TP53BP2: variants seen among roughly 807,000 people sequenced by gnomAD.
TP53BP2 encodes the protein tumor protein p53 binding protein 2.
TP53BP2 carries 62 observed loss-of-function variants against 126.2 expected under a neutral mutation model. The ratio of observed to expected loss-of-function variants is 0.49; its 90% CI spans 0.40 to 0.61. The LOEUF (loss-of-function observed/expected upper bound fraction) is 0.61, where lower values mean the gene tolerates loss of function less well. TP53BP2 is among the 20% of genes least tolerant of loss of function. The pLI is 0.00. For synonymous variants in TP53BP2, 485 were observed against 502.9 expected, an observed-to-expected ratio of 0.96 and a Z score of 0.48; for missense variants, 1,215 against 1,402.8, an observed-to-expected ratio of 0.87 and a Z score of 2.14.
intron 8 of TP53BP2, 131 bp from the exon 9 acceptor site, chr1:223,802,475 A>C: frequency 3.0e-6 from 3 of 996,662 alleles, no homozygotes; most frequent in East Asian, 2.6e-5. Flanking sequence ...GTCTACAAAA[A>C]ACATTCCAAA....
chr1:223,809,897 GCT>G (rs1181145513), intron 4 of TP53BP2, among the ~76,000 whole-genome samples: 1 of 152,044 alleles, frequency 6.6e-6, no homozygotes, highest in African/African-American at 2.4e-5. Flanking sequence ...CGCGACCTAG[GCT>G]CACTGCAATC....
chr1:223,811,980 T>C (rs1055966495), intron 3 of TP53BP2, among the ~76,000 whole-genome samples: 1 of 148,914 alleles, frequency 6.7e-6, no homozygotes, highest in East Asian at 2.0e-4. Flanking sequence ...GGTAGATGAA[T>C]GGGTAAAATT....
intron 1 of TP53BP2, among the ~76,000 whole-genome samples, chr1:223,830,560 A>AG (rs1200789566): frequency 6.6e-6 from 1 of 152,114 alleles, no homozygotes; most frequent in Non-Finnish European, 1.5e-5. Flanking sequence ...ACTGAAATGA[A>AG]GAAAAACTCT....
At chr1:223,782,257 C>T (rs1195684880) in intron 17 of TP53BP2, among the ~76,000 whole-genome samples, 1 of 151,890 alleles carries the variant, frequency 6.6e-6, no homozygotes, top group Non-Finnish European at 1.5e-5. Context: ...ACAATTTTTG[C>T]CAATTTAAAA....
intron 14 of TP53BP2, among the ~76,000 whole-genome samples, chr1:223,792,750 TA>T (rs1390191641): frequency 6.6e-6 from 1 of 151,550 alleles, no homozygotes; most frequent in African/African-American, 2.4e-5. Context: ...AGGTTTTTTT[TA>T]AAAAAAGGAA....
chr1:223,798,091 G>T, intron 12 of TP53BP2, 124 bp downstream of exon 12: 2 of 911,114 alleles, frequency 2.2e-6, no homozygotes, highest in Non-Finnish European at 1.6e-6. Flanking sequence ...AAGAACAGAA[G>T]CCACAGTTAA....
intron 16 of TP53BP2, among the ~76,000 whole-genome samples, chr1:223,787,397 T>A (rs1662007134): frequency 6.6e-6 from 1 of 150,810 alleles, no homozygotes. Flanking sequence ...TATATTTATA[T>A]ATATAAATTT....
At chr1:223,800,183 T>C in intron 10 of TP53BP2, 136 bp from the exon 11 acceptor site, 1 of 877,704 alleles carries the variant, frequency 1.1e-6, no homozygotes, top group Non-Finnish European at 1.7e-6. Context: ...ATTAAACTAA[T>C]AAAAGGATAA....
intron 3 of TP53BP2, among the ~76,000 whole-genome samples, chr1:223,812,892 T>A (rs1366028490): frequency 6.6e-6 from 1 of 151,566 alleles, no homozygotes; most frequent in Non-Finnish European, 1.5e-5. Flanking sequence ...GAGACAGAGT[T>A]TCGTCATGTT....
chr1:223,787,194 C>T (rs1208505664), intron 16 of TP53BP2, among the ~76,000 whole-genome samples: 2 of 152,100 alleles, frequency 1.3e-5, no homozygotes, highest in Non-Finnish European at 2.9e-5. Context: ...CCACACCCGG[C>T]CAACACATTA....
In TP53BP2 at chr1:223,803,394, C is replaced by G; in HGVS notation, c.708G>C (p.Leu236=). 1 of 1,613,950 alleles carries G rather than the reference C, an allele frequency of 6.2e-7. No homozygotes were observed. The highest frequency in any genetic ancestry group is 8.5e-7 in the Non-Finnish European group (1 of 1,179,928). ...TCAGTTCTTCTACTTTTGACACAGCCAGGACGAGCTCCCTCTGTTTTTGCT... is the reference window on the plus strand; with the variant it reads ...TCAGTTCTTCTACTTTTGACACAGCGAGGACGAGCTCCCTCTGTTTTTGCT... ...LFQQKQRELV[L]AVSKVEELTR... Residue 236 remains leucine, a synonymous_variant, in exon 7 of 18, where the codon CTG becomes CTC. Transcript: ENST00000343537.
At chr1:223,810,243 A>G (rs536792154) in intron 4 of TP53BP2, among the ~76,000 whole-genome samples, 188 bp downstream of exon 4, 1 of 152,326 alleles carries the variant, frequency 6.6e-6, no homozygotes, top group South Asian at 2.1e-4. Context: ...TAAACATACA[A>G]CTTCTTCCAA....
chr1:223,806,833 A>AT lies in TP53BP2; in HGVS notation c.474+12_474+13insA, dbSNP rs761721532. 15 of 1,607,510 alleles carry AT rather than the reference A, an allele frequency of 9.3e-6. No individual in the cohort carries two copies. Among genetic ancestry groups the AT allele is most frequent in the African/African-American group, 5.4e-5 (4 of 74,582 alleles). ...AGTGAGCATTCATCTCCAAAAAAAAAGGACGATACTACCTTAGTTGCCAGC... is the reference window on the plus strand; with the variant it reads ...AGTGAGCATTCATCTCCAAAAAAAAATGGACGATACTACCTTAGTTGCCAGC... On this transcript the variant is annotated intron_variant, in intron 5 of 17. Coordinates refer to ENST00000343537, the MANE Select transcript of TP53BP2 (RefSeq NM_001031685.3).
chr1:223,832,479 T>G (rs936326858), intron 1 of TP53BP2, among the ~76,000 whole-genome samples: 1 of 152,222 alleles, frequency 6.6e-6, no homozygotes, highest in Non-Finnish European at 1.5e-5. Context: ...GTACCCCTTA[T>G]GGAGGCAGGC....
intron 1 of TP53BP2, among the ~76,000 whole-genome samples, chr1:223,823,223 C>A (rs559071556): frequency 4.6e-5 from 7 of 152,258 alleles, no homozygotes; most frequent in Non-Finnish European, 1.0e-4. Flanking sequence ...ATGTCTCTGC[C>A]CATTACCCCC....
At chr1:223,786,646 G>A (rs1194681598) in intron 16 of TP53BP2, among the ~76,000 whole-genome samples, 1 of 150,204 alleles carries the variant, frequency 6.7e-6, no homozygotes, top group Non-Finnish European at 1.5e-5. Flanking sequence ...TCGCTCTGTT[G>A]CCCAGGCTGG....
In TP53BP2 at chr1:223,780,635, C is replaced by T. The variant is rs1661736847; in HGVS notation, c.*218G>A. 1.8e-6 allele frequency: 1 copy of T among 567,152 alleles called. No homozygotes were observed. Among genetic ancestry groups the T allele is most frequent in the South Asian group, 2.3e-5 (1 of 44,312 alleles). 35.1% of individuals were successfully genotyped at this position (567,152 alleles called of 1,614,324 possible). On this transcript the variant is annotated 3_prime_UTR_variant, in exon 18 of 18. Transcript: ENST00000343537. Reference sequence around the variant, plus strand: ...TACACGGGACACCTTTGCCCCAACACAGTATGGCCTGCTGACGTAGATGCT... The same window carrying T: ...TACACGGGACACCTTTGCCCCAACATAGTATGGCCTGCTGACGTAGATGCT...
In TP53BP2 at chr1:223,784,159, G is replaced by A. The variant is rs199572474; in HGVS notation, c.3319C>T (p.Arg1107Cys). The A allele has an allele frequency of 3.6e-4, 580 of 1,613,980 alleles. No individual in the cohort carries two copies. The highest frequency in any genetic ancestry group is 4.9e-4 in the Middle Eastern group (3 of 6,084). Residue 1107 changes from arginine (R) to cysteine (C), a missense_variant, in exon 17 of 18, where the codon CGC becomes TGC. This residue lies in a region of TP53BP2 where 151 missense variants were observed against 231.2 expected (regional missense o/e 0.65). Coordinates refer to ENST00000343537, the MANE Select transcript of TP53BP2 (RefSeq NM_001031685.3). ...ACATATCCCTCCTTATCATTAAGGC[G>A]CGCCCACCACCATTCGATTTCATCT... ...DEDEIEWWWA[R>C]LNDKEGYVPR...
Position 223,796,214 on chromosome 1 carries a change from T to C in TP53BP2, c.2325A>G (p.Ser775=), listed in dbSNP as rs1662316635. Residue 775 remains serine (S), a synonymous_variant, in exon 13 of 18, where the codon TCA becomes TCG. Coordinates refer to ENST00000343537, the MANE Select transcript of TP53BP2 (RefSeq NM_001031685.3). This position sits in a 1 kb window ranked among gnomAD's most constrained non-coding sequence, Gnocchi z 4.2. ...IAAMETISVP[S]YPSKSASVTA... ...TCACAGAAGCTGACTTGGATGGGTA[T>C]GATGGGACAGAGATGGTCTCCATGG... The C allele has an allele frequency of 1.9e-6, 3 of 1,614,090 alleles. No homozygotes were observed. Among genetic ancestry groups the C allele is most frequent in the Non-Finnish European group, 2.5e-6 (3 of 1,180,040 alleles).
Sources: allele counts gnomAD v4.1 joint callset (sites outside exome capture counted in the v4.1 genomes callset), GRCh38; gene constraint gnomAD v4.1.1; regional missense constraint gnomAD v4.1.1; non-coding constraint Gnocchi (gnomAD v3.1); transcripts MANE v1.5; gene names NCBI Gene and HGNC (gene_info 2026-07-23, HGNC 2026-07-21).